Variants in COL5A1 observed in about 807,000 individuals in gnomAD.
The protein encoded by COL5A1 is collagen type V alpha 1 chain.
COL5A1 carries 16 observed loss-of-function variants against 263.7 expected under a neutral mutation model. The ratio of observed to expected loss-of-function variants is 0.06; its 90% CI spans 0.04 to 0.09. The LOEUF (loss-of-function observed/expected upper bound fraction) is 0.09, where lower values mean the gene tolerates loss of function less well. Among genes scored for constraint, COL5A1 ranks in the 10% least tolerant of loss-of-function variants. The pLI is 1.00. For missense variants in COL5A1, 2,036 were observed against 2,540.5 expected, an observed-to-expected ratio of 0.80 and a Z score of 4.27; for synonymous variants, 1,012 against 1,004.5, an observed-to-expected ratio of 1.01 and a Z score of -0.14.
chr9:134,764,073 C>A (rs1294573799), intron 20 of COL5A1, among the ~76,000 whole-genome samples: 1 of 69,386 alleles, frequency 1.4e-5, no homozygotes, highest in Non-Finnish European at 2.7e-5. Flanking sequence ...TGTGGAGGGT[C>A]TGAGGGCATC....
intron 1 of COL5A1, among the ~76,000 whole-genome samples, chr9:134,654,169 G>GT (rs1831807716): frequency 7.1e-6 from 1 of 140,486 alleles, no homozygotes; most frequent in African/African-American, 2.7e-5. Flanking sequence ...TAGGGCTGGA[G>GT]GTGTATAGGG....
intron 47 of COL5A1, 33 bp from the exon 48 acceptor site, chr9:134,812,572 C>T: frequency 1.2e-6 from 2 of 1,611,312 alleles, no homozygotes; most frequent in South Asian, 1.1e-5. Flanking sequence ...ATTTGCGTTT[C>T]CTCTGGGCTC....
intron 1 of COL5A1, among the ~76,000 whole-genome samples, chr9:134,672,951 T>C (rs1002691897): frequency 1.3e-5 from 2 of 152,208 alleles, no homozygotes; most frequent in Non-Finnish European, 2.9e-5. Context: ...ATATATCTAA[T>C]GAAAATATGC....
rs1171294757 is a variant in COL5A1 at position 134,654,468 on chromosome 9, A to C, written c.109+12172A>C. On this transcript the variant is annotated intron_variant, in intron 1 of 65. Transcript: ENST00000371817. The stretch of plus-strand genomic sequence containing the variant: ...GTAGGGCTGGTGTGTGTAGGGCTGG[A>C]GGTGTGTAGGGCTGGAGTTGTGTAG... Among the ~76,000 whole-genome samples, 7 of 40,076 alleles carry C rather than the reference A, an allele frequency of 1.7e-4. No homozygotes were observed. The South Asian group carries it at 6.1e-3, about 35-fold the overall frequency. 26.3% of individuals were successfully genotyped at this position (40,076 alleles called of 152,430 possible).
intron 1 of COL5A1, among the ~76,000 whole-genome samples, chr9:134,672,362 T>C (rs1832560869): frequency 2.0e-5 from 3 of 152,378 alleles, no homozygotes; most frequent in Admixed American, 6.5e-5. Flanking sequence ...ATGATGTTAA[T>C]GATGTTGGTT....
At chr9:134,731,077 T>C (rs3128606) in intron 7 of COL5A1, among the ~76,000 whole-genome samples, 64,855 of 152,104 alleles carry the variant, frequency 0.43, 15,040 homozygotes, top group Admixed American at 0.61. Context: ...CCTTGCGTAG[T>C]GTGTAGCACA....
At position 134,789,868 on chromosome 9, in the gene COL5A1, T is replaced by G. The variant is rs536372545; in HGVS notation, c.2700+660T>G. Among the ~76,000 whole-genome samples the G allele has an allele frequency of 1.2e-4, 19 of 152,312 alleles. No homozygotes were observed. Among genetic ancestry groups the G allele is most frequent in the African/African-American group, 4.3e-4 (18 of 41,556 alleles). ...ATCACAGTGCCTGAGCATTGCCACTTGGGAAAACAGGAGAGAGATGGTCCT... is the reference window on the plus strand; with the variant it reads ...ATCACAGTGCCTGAGCATTGCCACTGGGGAAAACAGGAGAGAGATGGTCCT... On this transcript the variant is annotated intron_variant, in intron 32 of 65. Transcript: ENST00000371817. This position sits in a 1 kb window ranked among gnomAD's most constrained non-coding sequence, Gnocchi z 4.8.
intron 63 of COL5A1, among the ~76,000 whole-genome samples, chr9:134,827,001 T>G (rs922204500): frequency 2.0e-5 from 3 of 152,158 alleles, no homozygotes; most frequent in Non-Finnish European, 4.4e-5. Context: ...TCCTGGAAGG[T>G]GACCAAGCCT....
At chr9:134,715,511 C>T (rs929669040) in intron 4 of COL5A1, among the ~76,000 whole-genome samples, 2 of 152,154 alleles carry the variant, frequency 1.3e-5, no homozygotes, top group Non-Finnish European at 2.9e-5. Context: ...TCTTTCCCTT[C>T]CTATGAGGCC....
chr9:134,759,606 C>CA (rs1836183926), intron 18 of COL5A1, among the ~76,000 whole-genome samples: 1 of 118,120 alleles, frequency 8.5e-6, no homozygotes, highest in African/African-American at 3.9e-5. Context: ...ACCCCCACAC[C>CA]CCCACACACA....
Position 134,722,633 on chromosome 9 carries a change from C to T in COL5A1, c.655-4633C>T, listed in dbSNP as rs150642447. On this transcript the variant is annotated intron_variant, in intron 4 of 65. Coordinates refer to ENST00000371817, the MANE Select transcript of COL5A1 (RefSeq NM_000093.5). ...CCTTCTTTGAAGTGCCTTTGGAGAA[C>T]ATATATTCAGATGTCAAATTGCCAG... Among the ~76,000 whole-genome samples, 848 of 152,342 alleles carry T rather than the reference C, an allele frequency of 5.6e-3. 18 individuals carry two copies. Among genetic ancestry groups the T allele is most frequent in the Admixed American group, 0.048 (736 of 15,304 alleles).
At chr9:134,760,559 TACAC>T (rs1168649464) in intron 18 of COL5A1, among the ~76,000 whole-genome samples, 14 of 30,532 alleles carry the variant, frequency 4.6e-4, no homozygotes, top group East Asian at 2.2e-3. Context: ...CACACGCACA[TACAC>T]ACCCACACAC....
intron 4 of COL5A1, among the ~76,000 whole-genome samples, chr9:134,713,309 A>G (rs1326083703): frequency 6.6e-6 from 1 of 152,206 alleles, no homozygotes; most frequent in Non-Finnish European, 1.5e-5. Context: ...GGTGGGGAGC[A>G]TGTGGAGCAG....
chr9:134,842,240 T>C lies in COL5A1; in HGVS notation c.5454T>C (p.Asn1818=), dbSNP rs1830128696. 2.5e-6 allele frequency: 4 copies of C among 1,614,202 alleles called. No individual in the cohort carries two copies. Among genetic ancestry groups the C allele is most frequent in the African/African-American group, 2.7e-5 (2 of 75,046 alleles). ...TGCCCATCGTGGACATCATGTTCAA[T>C]GACTTCGGTGAAGCGTCACAGAAAT... is the stretch of plus-strand genomic sequence containing the variant. ...EQVPIVDIMF[N]DFGEASQKFG... Residue 1818 remains asparagine, a synonymous_variant, in exon 66 of 66, where the codon AAT becomes AAC. Coordinates refer to ENST00000371817, the MANE Select transcript of COL5A1 (RefSeq NM_000093.5). This position sits in a 1 kb window ranked among gnomAD's most constrained non-coding sequence, Gnocchi z 5.8.
chr9:134,788,510 A>AGGTGAGTAGACAGGTGGATGGTGGATG (rs1837550017), intron 31 of COL5A1, among the ~76,000 whole-genome samples: 1 of 123,748 alleles, frequency 8.1e-6, no homozygotes, highest in African/African-American at 3.1e-5. Context: ...ATGGGTGGGC[A>AGGTGAGTAGACAGGTGGATGGTGGATG]GGTGGGTAGA....
At position 134,758,157 on chromosome 9, in the gene COL5A1, GGGC is replaced by G; in HGVS notation, c.1882-82_1882-80del. On this transcript the variant is annotated intron_variant, in intron 17 of 65. Coordinates refer to ENST00000371817, the MANE Select transcript of COL5A1 (RefSeq NM_000093.5). The surrounding 1 kb of genome is among the most constrained non-coding windows in gnomAD (Gnocchi z 4.1). ...GCTGTGTGAAACGTGGTCCAAGGCGGGGCGGCCATCACTTGGTGGACACCAAGG... is the reference window on the plus strand; with the variant it reads ...GCTGTGTGAAACGTGGTCCAAGGCGGGGCCATCACTTGGTGGACACCAAGG... 1 of 1,382,990 alleles carries G rather than the reference GGGC, an allele frequency of 7.2e-7. No individual in the cohort carries two copies. The highest frequency in any genetic ancestry group is 1.0e-6 in the Non-Finnish European group (1 of 971,492). 85.7% of individuals were successfully genotyped at this position (1,382,990 alleles called of 1,614,324 possible).
intron 4 of COL5A1, among the ~76,000 whole-genome samples, chr9:134,710,197 G>A (rs865876688): frequency 5.9e-5 from 9 of 152,348 alleles, no homozygotes; most frequent in Middle Eastern, 3.4e-3. Flanking sequence ...AAGCCGGTGC[G>A]GCCCGCCCCG....
At chr9:134,801,121 C>T (rs370027859) in intron 37 of COL5A1, among the ~76,000 whole-genome samples, 5 of 152,270 alleles carry the variant, frequency 3.3e-5, no homozygotes, top group South Asian at 2.1e-4. Context: ...CACAGCCAAG[C>T]CAGGATCGTT....
intron 65 of COL5A1, among the ~76,000 whole-genome samples, chr9:134,838,898 G>A (rs1186828997): frequency 1.3e-5 from 2 of 152,226 alleles, no homozygotes; most frequent in African/African-American, 4.8e-5. Context: ...GTGCGGGGCG[G>A]CCATGGGGGT....
Sources: gnomAD v4.1 joint callset for allele counts (sites outside exome capture counted in the v4.1 genomes callset) on GRCh38, gnomAD v4.1.1 for gene constraint, Gnocchi (gnomAD v3.1) non-coding constraint, MANE v1.5 for transcripts, NCBI Gene and HGNC (gene_info 2026-07-23, HGNC 2026-07-21) for gene names.